Variants in KCNH1 observed in about 807,000 individuals in gnomAD.
The protein encoded by KCNH1 is voltage-gated delayed rectifier potassium channel KCNH1.
KCNH1 carries 27 observed loss-of-function variants against 69.2 expected under a neutral mutation model. The observed-to-expected ratio is 0.39, with a 90% confidence interval of 0.29 to 0.54. The LOEUF (loss-of-function observed/expected upper bound fraction) is 0.54, where lower values mean the gene tolerates loss of function less well. Among genes scored for constraint, KCNH1 ranks in the 20% least tolerant of loss-of-function variants. The pLI, the probability that KCNH1 is intolerant of heterozygous loss-of-function variation, is 0.68. For synonymous variants in KCNH1, 456 were observed against 487.7 expected (o/e 0.93, Z 0.86); for missense variants, 798 against 1,261.6 (o/e 0.63, Z 5.57).
chr1:211,122,215 C>T (rs530295646), intron 1 of KCNH1, among the ~76,000 whole-genome samples: 2 of 151,786 alleles, frequency 1.3e-5, no homozygotes, highest in African/African-American at 4.8e-5. Flanking sequence ...AGCCAACAAA[C>T]ATATGAAAAA....
In KCNH1 at chr1:211,076,600, G is replaced by A. The variant is rs556675288; in HGVS notation, c.558+6180C>T. ...GGATAACCACACCAAAACCCCATCT[G>A]TAGACCACCAACATCAAAGACCAAA... On this transcript the variant is annotated intron_variant, in intron 5 of 10. Coordinates refer to ENST00000271751, the MANE Select transcript of KCNH1 (RefSeq NM_172362.3). Among the ~76,000 whole-genome samples, 4 of 152,314 alleles carry A rather than the reference G, an allele frequency of 2.6e-5. No individual in the cohort carries two copies. In the East Asian group the frequency reaches 7.7e-4, roughly 29 times the overall value.
chr1:211,132,038 A>G (rs2102506839), intron 1 of KCNH1, among the ~76,000 whole-genome samples: 1 of 152,338 alleles, frequency 6.6e-6, no homozygotes, highest in Non-Finnish European at 1.5e-5. Flanking sequence ...TTCCCTTAAA[A>G]CCCAAGGCAT....
intron 7 of KCNH1, chr1:210,859,782 C>A: frequency 2.0e-6 from 2 of 1,014,902 alleles, no homozygotes; most frequent in South Asian, 2.5e-5. Flanking sequence ...GAACACACAT[C>A]CTTCTGTCAT....
chr1:210,972,053 A>T (rs58263592), intron 6 of KCNH1, among the ~76,000 whole-genome samples: 7,437 of 152,138 alleles, frequency 0.049, 578 homozygotes, highest in African/African-American at 0.17. Flanking sequence ...CTGTGACCTT[A>T]TGTGAGCACT....
chr1:210,915,688 G>A (rs1293053895), intron 7 of KCNH1, among the ~76,000 whole-genome samples: 2 of 152,140 alleles, frequency 1.3e-5, no homozygotes. Flanking sequence ...TTAGTCAACT[G>A]TTTTCACCCC....
intron 6 of KCNH1, among the ~76,000 whole-genome samples, chr1:210,945,776 CAT>C (rs922222324): frequency 6.6e-6 from 1 of 152,238 alleles, no homozygotes; most frequent in Non-Finnish European, 1.5e-5. Flanking sequence ...TCTGCCAGAA[CAT>C]TGGCACCCAA....
At chr1:210,762,499 G>C (rs1169835711) in intron 10 of KCNH1, among the ~76,000 whole-genome samples, 1 of 152,016 alleles carries the variant, frequency 6.6e-6, no homozygotes, top group Non-Finnish European at 1.5e-5. Context: ...ACAAAGGAGA[G>C]AGAAGCTCCA....
At chr1:210,949,565 C>A (rs1425065309) in intron 6 of KCNH1, among the ~76,000 whole-genome samples, 1 of 152,196 alleles carries the variant, frequency 6.6e-6, no homozygotes, top group Non-Finnish European at 1.5e-5. Context: ...GGGCAGCACC[C>A]ATGACCTCTG....
intron 8 of KCNH1, among the ~76,000 whole-genome samples, chr1:210,799,074 A>C (rs12117136): frequency 0.17 from 26,346 of 152,082 alleles, 2,433 homozygotes; most frequent in African/African-American, 0.23. Context: ...AGCAAAATAA[A>C]TAAAATTTAG....
At chr1:210,974,175 T>G (rs780685969) in intron 6 of KCNH1, among the ~76,000 whole-genome samples, 1 of 152,190 alleles carries the variant, frequency 6.6e-6, no homozygotes, top group African/African-American at 2.4e-5. Flanking sequence ...TTAAATGCTC[T>G]TTATCAGGTT....
chr1:211,101,760 T>G (rs769920888), intron 3 of KCNH1, among the ~76,000 whole-genome samples: 6 of 152,232 alleles, frequency 3.9e-5, no homozygotes, highest in Non-Finnish European at 7.3e-5. Context: ...TGACCTCAGA[T>G]GAGGAATTAA....
At chr1:210,853,587 C>T (rs1319675044) in intron 7 of KCNH1, among the ~76,000 whole-genome samples, 1 of 152,138 alleles carries the variant, frequency 6.6e-6, no homozygotes, top group Non-Finnish European at 1.5e-5. Flanking sequence ...GAGCCCAGGC[C>T]CAGCCTGATT....
intron 5 of KCNH1, among the ~76,000 whole-genome samples, chr1:211,026,765 C>T (rs977553370): frequency 6.6e-6 from 1 of 152,182 alleles, no homozygotes; most frequent in African/African-American, 2.4e-5. Flanking sequence ...GGGATTTCCA[C>T]CACTGCCCAG....
intron 7 of KCNH1, chr1:210,859,593 C>G (rs1685930236): frequency 1.3e-6 from 2 of 1,508,964 alleles, no homozygotes; most frequent in Non-Finnish European, 1.8e-6. Flanking sequence ...TCCCCAGTTC[C>G]TCGGTTTCAT....
intron 7 of KCNH1, among the ~76,000 whole-genome samples, chr1:210,904,371 C>T (rs1272643616): frequency 2.0e-5 from 3 of 152,072 alleles, no homozygotes; most frequent in African/African-American, 7.2e-5. Context: ...GCTTCCCCAC[C>T]CCCACCACTC....
In KCNH1 at chr1:210,992,948, T is replaced by A. The variant is rs114372045; in HGVS notation, c.1032+25835A>T. ...TTTCATGGGTCTGTCTTTGCACGAGTAGGGAGAGGACAAGCTGTCTCCAGC... is the reference window on the plus strand; with the variant it reads ...TTTCATGGGTCTGTCTTTGCACGAGAAGGGAGAGGACAAGCTGTCTCCAGC... On this transcript the variant is annotated intron_variant, in intron 6 of 10. Transcript: ENST00000271751. 5.0e-3 allele frequency among the ~76,000 whole-genome samples: 758 copies of A among 152,242 alleles called. 5 individuals are homozygous for A. Among genetic ancestry groups the A allele is most frequent in the Non-Finnish European group, 8.5e-3 (575 of 68,006 alleles).
chr1:210,759,152 G>GACACACACAC (rs1683459699), intron 10 of KCNH1, among the ~76,000 whole-genome samples: 1 of 56,410 alleles, frequency 1.8e-5, no homozygotes, highest in African/African-American at 1.0e-4. Flanking sequence ...CTATCCAAAT[G>GACACACACAC]ATAGACACAC....
intron 6 of KCNH1, among the ~76,000 whole-genome samples, chr1:210,943,143 G>A (rs1558534814): frequency 2.0e-5 from 3 of 152,050 alleles, no homozygotes; most frequent in Non-Finnish European, 4.4e-5. Context: ...TGGACAAGCC[G>A]CCATGAGGAT....
At chr1:210,719,596 G>A (rs754119802) in intron 10 of KCNH1, among the ~76,000 whole-genome samples, 18 of 152,030 alleles carry the variant, frequency 1.2e-4, no homozygotes, top group Admixed American at 7.9e-4. Flanking sequence ...CCTAATGCAT[G>A]CAGGGCTTAA....
Sources: allele counts gnomAD v4.1 joint callset (sites outside exome capture counted in the v4.1 genomes callset), GRCh38; gene constraint gnomAD v4.1.1; transcripts MANE v1.5; gene names NCBI Gene and HGNC (gene_info 2026-07-23, HGNC 2026-07-21).